RORA: variants seen among roughly 807,000 people sequenced by gnomAD.
RORA encodes RAR related orphan receptor A.
RORA carries 7 observed loss-of-function variants against 69.5 expected under a neutral mutation model. That is an observed-to-expected ratio of 0.10 (90% CI 0.06 to 0.19). RORA has a LOEUF of 0.19. RORA is among the 10% of genes least tolerant of loss of function. The pLI is 1.00. For missense variants in RORA, 457 were observed against 663.0 expected, an observed-to-expected ratio of 0.69 and a Z score of 3.41; for synonymous variants, 261 against 240.8, an observed-to-expected ratio of 1.08 and a Z score of -0.78.
chr15:60,582,385 A>G (rs1424080389), intron 2 of RORA, among the ~76,000 whole-genome samples: 6 of 152,226 alleles, frequency 3.9e-5, no homozygotes, highest in Non-Finnish European at 8.8e-5. Flanking sequence ...TAATAGAAAC[A>G]CTTTCATAGA....
intron 1 of RORA, among the ~76,000 whole-genome samples, chr15:60,770,543 G>A (rs2072058083): frequency 6.6e-6 from 1 of 152,160 alleles, no homozygotes; most frequent in South Asian, 2.1e-4. Flanking sequence ...CCCTTAGATG[G>A]GGCATAAAAT....
At chr15:60,564,946 G>T (rs2067674977) in intron 2 of RORA, among the ~76,000 whole-genome samples, 1 of 152,120 alleles carries the variant, frequency 6.6e-6, no homozygotes, top group Admixed American at 6.5e-5. Context: ...AGAACCAACA[G>T]CTTACAAACT....
intron 1 of RORA, among the ~76,000 whole-genome samples, chr15:60,855,432 T>C (rs577734418): frequency 1.3e-5 from 2 of 152,336 alleles, no homozygotes; most frequent in East Asian, 3.9e-4. Context: ...AGAGCAGTAT[T>C]ATTCCACTTG....
At chr15:60,716,364 T>G (rs2071219156) in intron 1 of RORA, among the ~76,000 whole-genome samples, 1 of 152,212 alleles carries the variant, frequency 6.6e-6, no homozygotes, top group African/African-American at 2.4e-5. Flanking sequence ...CTCTTCTGAA[T>G]GCACTTGCAG....
At chr15:61,008,609 T>A (rs1036382426) in intron 1 of RORA, among the ~76,000 whole-genome samples, 1 of 152,162 alleles carries the variant, frequency 6.6e-6, no homozygotes, top group African/African-American at 2.4e-5. Context: ...TCATTTATGC[T>A]ATCATTTCCA....
At chr15:60,891,903 C>T (rs2073816808) in intron 1 of RORA, among the ~76,000 whole-genome samples, 1 of 152,144 alleles carries the variant, frequency 6.6e-6, no homozygotes, top group South Asian at 2.1e-4. Flanking sequence ...CTTCCCAAAC[C>T]TTCAGGGTGG....
intron 1 of RORA, among the ~76,000 whole-genome samples, chr15:60,911,033 G>C (rs1468284011): frequency 1.4e-5 from 2 of 141,674 alleles, no homozygotes; most frequent in Admixed American, 1.4e-4. Flanking sequence ...TTCCTGAGTA[G>C]CTGGGATTAC....
intron 1 of RORA, among the ~76,000 whole-genome samples, chr15:61,043,551 T>A (rs568419055): frequency 6.6e-6 from 1 of 152,332 alleles, no homozygotes; most frequent in Admixed American, 6.5e-5. Context: ...TACCTGGACA[T>A]CAGAGCTAAT....
rs145194794 is a variant in RORA, at chr15:61,139,792, G to T, written c.166+89261C>A. On this transcript the variant is annotated intron_variant, in intron 1 of 10. Coordinates refer to ENST00000335670, the MANE Select transcript of RORA (RefSeq NM_134261.3). ...GAGTTTAAGATCTGATAGGAGAAAA[G>T]AACCCAAAAATAAATCACAAGAAAA... Among the ~76,000 whole-genome samples the T allele has an allele frequency of 5.6e-3, 847 of 152,238 alleles. 14 individuals are homozygous for T. Among genetic ancestry groups the T allele is most frequent in the African/African-American group, 0.019 (793 of 41,532 alleles).
Position 60,531,468 on chromosome 15 carries a change from C to CT in RORA, c.282+297dup, listed in dbSNP as rs1002604297. 48 of 292,348 alleles carry CT rather than the reference C, an allele frequency of 1.6e-4. No individual in the cohort carries two copies. Among genetic ancestry groups the CT allele is most frequent in the Admixed American group, 7.2e-4 (13 of 17,950 alleles). 18.1% of individuals were successfully genotyped at this position (292,348 alleles called of 1,614,324 possible). On this transcript the variant is annotated intron_variant, in intron 3 of 10. Coordinates refer to ENST00000335670, the MANE Select transcript of RORA (RefSeq NM_134261.3). The surrounding 1 kb of genome is among the most constrained non-coding windows in gnomAD (Gnocchi z 4.8). ...ACATTGTAGAAGTCTGGAGTTAGCT[C>CT]TTTTTTAAAAAAGATTGCCACAGAG...
chr15:60,934,428 G>A (rs1254672436), intron 1 of RORA, among the ~76,000 whole-genome samples: 1 of 152,186 alleles, frequency 6.6e-6, no homozygotes, highest in African/African-American at 2.4e-5. Context: ...CATAACTCCA[G>A]AGTATTTGAC....
At chr15:60,986,880 C>G (rs1894219228) in intron 1 of RORA, among the ~76,000 whole-genome samples, 1 of 152,200 alleles carries the variant, frequency 6.6e-6, no homozygotes, top group African/African-American at 2.4e-5. Context: ...ACAGAACCAC[C>G]TAGAATCACT....
At chr15:61,085,763 T>C (rs1223951920) in intron 1 of RORA, among the ~76,000 whole-genome samples, 1 of 152,172 alleles carries the variant, frequency 6.6e-6, no homozygotes, top group African/African-American at 2.4e-5. Context: ...ACTTAAATAG[T>C]TTTGTTTTTC....
chr15:60,543,983 G>A (rs778702884), intron 2 of RORA, among the ~76,000 whole-genome samples: 2 of 152,198 alleles, frequency 1.3e-5, no homozygotes, highest in Non-Finnish European at 2.9e-5. Flanking sequence ...AGTGAGGCTG[G>A]CATCTTGGAG....
intron 2 of RORA, chr15:60,627,267 T>C (rs912361841): frequency 5.6e-6 from 9 of 1,614,022 alleles, no homozygotes; most frequent in African/African-American, 1.3e-5. Context: ...CAGGTGTGGG[T>C]GTGGCAGACA....
chr15:60,956,602 G>A lies in RORA; in HGVS notation c.166+272451C>T, dbSNP rs76454124. Reference sequence around the variant, plus strand: ...TGCACAGGTTTCATAAATATTCTGTGTCTTGGTTTCTTCATGTATAAAATG... The same window carrying A: ...TGCACAGGTTTCATAAATATTCTGTATCTTGGTTTCTTCATGTATAAAATG... On this transcript the variant is annotated intron_variant, in intron 1 of 10. Coordinates refer to ENST00000335670, the MANE Select transcript of RORA (RefSeq NM_134261.3). 4.6e-3 allele frequency among the ~76,000 whole-genome samples: 704 copies of A among 152,286 alleles called. 2 individuals are homozygous for A. The highest frequency in any genetic ancestry group is 0.016 in the African/African-American group (676 of 41,550).
chr15:60,613,696 CTGTGTGTGTG>C (rs66616801), intron 2 of RORA, among the ~76,000 whole-genome samples: 25,163 of 125,204 alleles, frequency 0.2, 2,750 homozygotes, highest in Middle Eastern at 0.33. Flanking sequence ...AATTTGATAT[CTGTGTGTGTG>C]TGTGTGTGTG....
intron 1 of RORA, among the ~76,000 whole-genome samples, chr15:60,788,449 C>T (rs566214813): frequency 9.9e-5 from 15 of 152,272 alleles, no homozygotes; most frequent in African/African-American, 3.6e-4. Context: ...TTCCAAACTC[C>T]CCTCGATTGA....
intron 1 of RORA, among the ~76,000 whole-genome samples, chr15:61,025,484 C>G (rs1263381045): frequency 6.6e-6 from 1 of 152,180 alleles, no homozygotes; most frequent in African/African-American, 2.4e-5. Context: ...GAGTCATTAC[C>G]TCACACTCTT....
Sources: gnomAD v4.1 joint callset for allele counts (sites outside exome capture counted in the v4.1 genomes callset) on GRCh38, gnomAD v4.1.1 for gene constraint, Gnocchi (gnomAD v3.1) non-coding constraint, MANE v1.5 for transcripts, NCBI Gene and HGNC (gene_info 2026-07-23, HGNC 2026-07-21) for gene names.